Variants in SLC36A1 observed in about 807,000 individuals in gnomAD.
The protein encoded by SLC36A1 is proton-coupled amino acid transporter 1.
A neutral mutation model predicts 47.5 loss-of-function variants in SLC36A1; 30 were observed. The observed-to-expected ratio is 0.63, with a 90% CI of 0.47 to 0.86. The LOEUF is 0.86. Ranked by LOEUF, SLC36A1 falls within the 40% of genes least tolerant of loss-of-function variation. The probability of loss-of-function intolerance (pLI) is 0.00; values close to 1 mark genes in which losing one functional copy is unlikely to be tolerated. For synonymous variants in SLC36A1, 255 were observed against 249.7 expected (o/e 1.02, Z -0.20); for missense variants, 517 against 606.0 (o/e 0.85, Z 1.54).
the SLC36A1 span, among the ~76,000 whole-genome samples, chr5:151,372,697 C>T: frequency 1.9e-4 from 29 of 152,240 alleles, no homozygotes; most frequent in East Asian, 5.6e-3. Context: ...GTCCTTCTAC[C>T]TTGGCCTCCC....
chr5:151,428,065 A>G, the SLC36A1 span, among the ~76,000 whole-genome samples: 1 of 152,048 alleles, frequency 6.6e-6, no homozygotes, highest in Non-Finnish European at 1.5e-5. Context: ...CAGCCTCCCG[A>G]TTGTGGTGGA....
chr5:151,391,199 GCTCT>G, the SLC36A1 span, among the ~76,000 whole-genome samples: 1 of 150,744 alleles, frequency 6.6e-6, no homozygotes, highest in African/African-American at 2.5e-5. Flanking sequence ...TCATGATTTG[GCTCT>G]CTGTCTGTTA....
the SLC36A1 span, among the ~76,000 whole-genome samples, chr5:151,396,726 G>C: frequency 6.6e-6 from 1 of 152,194 alleles, no homozygotes; most frequent in Admixed American, 6.5e-5. Context: ...AACTTAGTGA[G>C]TCTCTTCTAT....
chr5:151,552,870 A>G, the SLC36A1 span, among the ~76,000 whole-genome samples: 1 of 152,188 alleles, frequency 6.6e-6, no homozygotes, highest in Non-Finnish European at 1.5e-5. Context: ...AACACAAAGC[A>G]TTTCTGCTCT....
the SLC36A1 span, among the ~76,000 whole-genome samples, chr5:151,423,478 T>C: frequency 3.9e-5 from 6 of 152,124 alleles, no homozygotes; most frequent in African/African-American, 1.4e-4. Flanking sequence ...AGCTATCAAG[T>C]CATAAAAAGA....
At chr5:151,479,995 T>C in intron 10 of SLC36A1, 1 of 806,370 alleles carries the variant, frequency 1.2e-6, no homozygotes, top group East Asian at 2.8e-5. Flanking sequence ...TTTCTATTGA[T>C]TAACCTAGGT....
the SLC36A1 span, among the ~76,000 whole-genome samples, chr5:151,418,831 AATG>A: frequency 1.3e-5 from 2 of 152,248 alleles, no homozygotes; most frequent in East Asian, 3.9e-4. Flanking sequence ...GCCAGGGTGG[AATG>A]ATATGGTTAG....
intron 5 of SLC36A1, among the ~76,000 whole-genome samples, chr5:151,465,712 TA>T (rs1168074859): frequency 2.6e-5 from 4 of 152,120 alleles, no homozygotes; most frequent in African/African-American, 9.7e-5. Context: ...AGAGGAACTT[TA>T]AAGATTCTCT....
the SLC36A1 span, chr5:151,522,107 G>A: frequency 6.5e-7 from 1 of 1,542,812 alleles, no homozygotes; most frequent in Non-Finnish European, 8.8e-7. Context: ...AACAAACACT[G>A]CTGTCACCCA....
chr5:151,418,199 A>T, the SLC36A1 span, among the ~76,000 whole-genome samples: 1 of 152,242 alleles, frequency 6.6e-6, no homozygotes, highest in Non-Finnish European at 1.5e-5. Flanking sequence ...CCTCATGGAG[A>T]ACCTCTGCTA....
At position 151,488,144 on chromosome 5, in the gene SLC36A1, A is replaced by T. The variant is rs1339999295; in HGVS notation, c.1321A>T (p.Ser441Cys). The change falls in exon 11 of 11, where the codon AGC (serine) becomes TGC (cysteine). Residue 441 changes from serine to cysteine, a missense_variant. By Grantham distance (112) the Ser-to-Cys change is moderately radical. Transcript: ENST00000243389. ...PLTIFKDALI[S>C]ILGFVGFVVG... ...CACCATCTTTAAGGACGCCCTGATC[A>T]GCATCCTGGGCTTCGTGGGCTTTGT... 5 of 1,614,210 alleles carry T rather than the reference A, an allele frequency of 3.1e-6. No homozygotes were observed. Among genetic ancestry groups the T allele is most frequent in the Non-Finnish European group, 4.2e-6 (5 of 1,180,024 alleles).
At chr5:151,510,075 A>G in the SLC36A1 span, 1 of 1,614,186 alleles carries the variant, frequency 6.2e-7, no homozygotes, top group Middle Eastern at 1.7e-4. Flanking sequence ...GGGGGAGAGG[A>G]TGCAAGTTCC....
At chr5:151,549,239 C>A in the SLC36A1 span, 1 of 1,540,542 alleles carries the variant, frequency 6.5e-7, no homozygotes, top group Non-Finnish European at 8.9e-7. Context: ...CTAGTGCTTT[C>A]CTTTATTTCT....
the SLC36A1 span, among the ~76,000 whole-genome samples, chr5:151,360,430 T>C: frequency 6.6e-6 from 1 of 152,132 alleles, no homozygotes; most frequent in Non-Finnish European, 1.5e-5. Flanking sequence ...TAAATGGAGT[T>C]GGGTCATCAT....
rs919224864 is a variant in SLC36A1, at chr5:151,490,901, G to A, written c.*2647G>A. 5 of 152,300 alleles carry A rather than the reference G, an allele frequency of 3.3e-5. No individual in the cohort carries two copies. The highest frequency in any genetic ancestry group is 1.2e-4 in the African/African-American group (5 of 41,448). The allele number at this position is 152,300 out of a possible 1,614,324, so 9.4% of individuals were successfully genotyped here. A position where few individuals can be genotyped will look rare whatever the true frequency, so the allele number is the denominator to read the frequency against. The stretch of plus-strand genomic sequence containing the variant: ...TCTTATGCAGCCCAAAGGGCTTCTT[G>A]AGGTAGAGAGCCCTCCCCAGTGTCT... On this transcript the variant is annotated 3_prime_UTR_variant, in exon 11 of 11. Transcript: ENST00000243389.
upstream of SLC36A1, among the ~76,000 whole-genome samples, chr5:151,433,989 G>A (rs771808814): frequency 7.9e-5 from 12 of 151,994 alleles, no homozygotes; most frequent in Admixed American, 1.3e-4. Flanking sequence ...GTTTCACTCT[G>A]TTCCACAGTC....
chr5:151,443,215 C>A (rs1381290344), upstream of SLC36A1, among the ~76,000 whole-genome samples: 1 of 152,004 alleles, frequency 6.6e-6, no homozygotes, highest in East Asian at 1.9e-4. Context: ...AACCTTTATA[C>A]TGTTTTTTTT....
intron 1 of SLC36A1, 30 bp from the exon 2 acceptor site, chr5:151,458,758 G>A (rs1289432475): frequency 2.5e-6 from 4 of 1,602,206 alleles, no homozygotes; most frequent in Non-Finnish European, 3.4e-6. Context: ...CCAGCTGCAG[G>A]AGGTCTTAAT....
At chr5:151,539,911 G>C in the SLC36A1 span, among the ~76,000 whole-genome samples, 810 of 152,260 alleles carry the variant, frequency 5.3e-3, 8 homozygotes, top group African/African-American at 0.018. Flanking sequence ...TCGTGTTTGT[G>C]TCTCTGTACA....
Sources: allele counts gnomAD v4.1 joint callset (sites outside exome capture counted in the v4.1 genomes callset), GRCh38; gene constraint gnomAD v4.1.1; transcripts MANE v1.5; gene names NCBI Gene and HGNC (gene_info 2026-07-23, HGNC 2026-07-21).